C2orf74: variants seen among roughly 807,000 people sequenced by gnomAD.
C2orf74 encodes DPM1 ER membrane anchor 1.
C2orf74 carries 14 observed loss-of-function variants against 17.9 expected under a neutral mutation model. The ratio of observed to expected loss-of-function variants is 0.78; its 90% CI spans 0.52 to 1.22. The LOEUF is 1.22. Ranked by LOEUF, C2orf74 falls within the 50% of genes most tolerant of loss-of-function variation. The pLI is 0.00. For synonymous variants in C2orf74, 79 were observed against 72.6 expected, an observed-to-expected ratio of 1.09 and a Z score of -0.44; for missense variants, 217 against 218.4, an observed-to-expected ratio of 0.99 and a Z score of 0.04.
chr2:61,158,325 G>C (rs1685458991), upstream of C2orf74, among the ~76,000 whole-genome samples: 1 of 152,140 alleles, frequency 6.6e-6, no homozygotes, highest in Non-Finnish European at 1.5e-5. Context: ...GACTATGAAA[G>C]ACCTTGGGGG....
chr2:61,152,298 T>C (rs1169647502), intron 1 of C2orf74, among the ~76,000 whole-genome samples: 2 of 152,024 alleles, frequency 1.3e-5, no homozygotes, highest in Non-Finnish European at 2.9e-5. Flanking sequence ...TCCCAGCACT[T>C]TGGGAGGCCG....
intron 1 of C2orf74, chr2:61,151,451 A>T (rs1473318471): frequency 6.6e-6 from 1 of 150,960 alleles, no homozygotes; most frequent in African/African-American, 2.4e-5. Context: ...AACATTTATT[A>T]ACTCTTAGCT....
Position 61,162,916 on chromosome 2 carries a change from C to T in C2orf74, c.170C>T (p.Ala57Val), listed in dbSNP as rs1311285484. The T allele has an allele frequency of 1.0e-5, 16 of 1,552,360 alleles. No individual in the cohort carries two copies. Among genetic ancestry groups the T allele is most frequent in the Non-Finnish European group, 1.2e-5 (14 of 1,147,140 alleles). Residue 57 changes from alanine to valine, a missense_variant, in exon 3 of 5, where the codon GCT becomes GTT. Coordinates refer to ENST00000432605, the MANE Select transcript of C2orf74 (RefSeq NM_001143959.4). ...GCAAACGGAGGTGTAGACTGTGCAGCTGCCAAAGTGGTGACAAGCAATCCA... is the reference window on the plus strand; with the variant it reads ...GCAAACGGAGGTGTAGACTGTGCAGTTGCCAAAGTGGTGACAAGCAATCCA... ...TDANGGVDCA[A>V]AKVVTSNPED...
intron 1 of C2orf74, among the ~76,000 whole-genome samples, chr2:61,154,146 A>T (rs557696651): frequency 6.6e-6 from 1 of 151,930 alleles, no homozygotes; most frequent in South Asian, 2.1e-4. Context: ...AGGCAGGAGA[A>T]TCGCTTGAAC....
intron 1 of C2orf74, among the ~76,000 whole-genome samples, chr2:61,152,608 G>T (rs1303280903): frequency 6.6e-6 from 1 of 151,926 alleles, no homozygotes; most frequent in African/African-American, 2.4e-5. Context: ...CAGCACTTTG[G>T]GAGGCTGAGG....
At chr2:61,155,619 C>CTCCTG (rs1685368476) in intron 1 of C2orf74, among the ~76,000 whole-genome samples, 1 of 152,072 alleles carries the variant, frequency 6.6e-6, no homozygotes, top group African/African-American at 2.4e-5. Flanking sequence ...CTCCTGCGTT[C>CTCCTG]ACTCTATTCT....
chr2:61,158,950 G>A (rs1280798484), upstream of C2orf74, among the ~76,000 whole-genome samples: 2 of 152,040 alleles, frequency 1.3e-5, no homozygotes, highest in African/African-American at 2.4e-5. Context: ...TTGCATAATG[G>A]AAGAGAATCC....
rs1685672408 is a variant in C2orf74, at chr2:61,164,519, AG to A, written c.558del (p.Lys187AsnfsTer17). On this transcript the variant is annotated frameshift_variant, in exon 5 of 5. Transcript: ENST00000432605. LOFTEE classifies it high-confidence loss of function. ...AAGCTATACTCGAGAACATAAAGAG[AG>A]GAAATGAAGCTCAAAAAAGGGTAAG... is the stretch of plus-strand genomic sequence containing the variant. Reference protein sequence around the residue: ...PRSYTREHKERK With the variant: ...PRSYTREHKEXK 6.6e-7 allele frequency: 1 copy of A among 1,518,730 alleles called. No individual in the cohort carries two copies. Among genetic ancestry groups the A allele is most frequent in the African/African-American group, 1.4e-5 (1 of 71,618 alleles). 94.1% of individuals were successfully genotyped at this position (1,518,730 alleles called of 1,614,324 possible). A position where few individuals can be genotyped will look rare whatever the true frequency, so the allele number is the denominator to read the frequency against.
intron 1 of C2orf74, among the ~76,000 whole-genome samples, chr2:61,149,615 G>A (rs1235675701): frequency 8.5e-6 from 1 of 117,764 alleles, no homozygotes; most frequent in African/African-American, 3.3e-5. Flanking sequence ...GTTTCGCTCT[G>A]TTGCCCAGGC....
At chr2:61,157,792 G>A (rs1191942022), upstream of C2orf74, 1 of 442,536 alleles carries the variant, frequency 2.3e-6, no homozygotes, top group South Asian at 1.7e-5. Context: ...TCCAAATTCA[G>A]GCAGCTGTGA....
At chr2:61,148,430 A>C (rs1016803262) in intron 1 of C2orf74, among the ~76,000 whole-genome samples, 7 of 151,978 alleles carry the variant, frequency 4.6e-5, no homozygotes, top group Admixed American at 2.0e-4. Context: ...CAGGTGATCT[A>C]CCTGCCTCAG....
At chr2:61,160,916 T>G (rs141878985), upstream of C2orf74, among the ~76,000 whole-genome samples, 16 of 152,382 alleles carry the variant, frequency 1.0e-4, no homozygotes, top group African/African-American at 3.4e-4. Context: ...CAATTCTTTG[T>G]GTATACACCC....
rs537057789 is a variant in C2orf74, at chr2:61,150,423, G to A, written c.-122+5227G>A. ...AAGGTACTTCTTGATCTCTATAAAAGAGGAGTGAGAGCCACAGTGAGTCCT... is the reference window on the plus strand; with the variant it reads ...AAGGTACTTCTTGATCTCTATAAAAAAGGAGTGAGAGCCACAGTGAGTCCT... On this transcript the variant is annotated intron_variant, in intron 1 of 3. Coordinates refer to the C2orf74 transcript ENST00000426997. Among the ~76,000 whole-genome samples the A allele has an allele frequency of 8.9e-4, 136 of 152,288 alleles. 1 individual carries two copies. The highest frequency in any genetic ancestry group is 2.9e-3 in the African/African-American group (121 of 41,566).
chr2:61,155,720 C>T (rs996784540), intron 1 of C2orf74, among the ~76,000 whole-genome samples: 8 of 152,014 alleles, frequency 5.3e-5, no homozygotes, highest in Non-Finnish European at 7.4e-5. Flanking sequence ...TGGGGTTTCA[C>T]CGTGTTAGCC....
chr2:61,163,380 G>A, intron 4 of C2orf74, 148 bp downstream of exon 4: 1 of 781,148 alleles, frequency 1.3e-6, no homozygotes, highest in Non-Finnish European at 2.0e-6. Flanking sequence ...AGGCCAAGGA[G>A]GGCGGATCAC....
At chr2:61,151,203 C>T (rs1685217979) in intron 1 of C2orf74, among the ~76,000 whole-genome samples, 2 of 150,382 alleles carry the variant, frequency 1.3e-5, no homozygotes, top group Admixed American at 1.3e-4. Context: ...GTAATCCCAG[C>T]TACTTGGGAG....
intron 1 of C2orf74, among the ~76,000 whole-genome samples, chr2:61,155,871 T>C (rs970643049): frequency 6.6e-6 from 1 of 152,046 alleles, no homozygotes; most frequent in African/African-American, 2.4e-5. Context: ...ACATTGCTTT[T>C]TTCTTAAAGG....
intron 1 of C2orf74, among the ~76,000 whole-genome samples, chr2:61,148,190 A>C (rs1224605177): frequency 1.4e-5 from 2 of 148,136 alleles, no homozygotes; most frequent in Non-Finnish European, 3.0e-5. Flanking sequence ...AAAAATATAT[A>C]TGTATATATT....
chr2:61,164,266 T>G (rs1488423234), intron 4 of C2orf74, 88 bp from the exon 5 acceptor site: 1 of 1,065,514 alleles, frequency 9.4e-7, no homozygotes, highest in Non-Finnish European at 1.3e-6. Context: ...CTGTTTCTCG[T>G]TAAGTGTACA....
Sources: gnomAD v4.1 joint callset for allele counts (sites outside exome capture counted in the v4.1 genomes callset) on GRCh38, gnomAD v4.1.1 for gene constraint, MANE v1.5 for transcripts, NCBI Gene and HGNC (gene_info 2026-07-23, HGNC 2026-07-21) for gene names.